Variants in KCTD8 observed in about 807,000 individuals in gnomAD.
KCTD8 encodes the protein BTB/POZ domain-containing protein KCTD8.
KCTD8 carries 27 observed loss-of-function variants against 31.5 expected under a neutral mutation model. The observed-to-expected ratio is 0.86, with a 90% confidence interval of 0.63 to 1.18. The LOEUF (loss-of-function observed/expected upper bound fraction) is 1.18. KCTD8 is among the 50% of genes most tolerant of loss of function. The probability of loss-of-function intolerance (pLI) is 0.00; values close to 1 mark genes in which losing one functional copy is unlikely to be tolerated. For missense variants in KCTD8, 658 were observed against 647.7 expected, an observed-to-expected ratio of 1.02 and a Z score of -0.17; for synonymous variants, 290 against 280.0, an observed-to-expected ratio of 1.04 and a Z score of -0.36.
At chr4:44,445,138 C>T (rs1406341872) in intron 1 of KCTD8, among the ~76,000 whole-genome samples, 1 of 152,134 alleles carries the variant, frequency 6.6e-6, no homozygotes, top group Non-Finnish European at 1.5e-5. Context: ...GATGGAAATA[C>T]ATTTTACAGT....
intron 1 of KCTD8, among the ~76,000 whole-genome samples, chr4:44,187,615 G>A (rs1713626550): frequency 6.6e-6 from 1 of 152,146 alleles, no homozygotes; most frequent in African/African-American, 2.4e-5. Context: ...TGTTTTATGA[G>A]AGGGATGATT....
At chr4:44,318,644 C>T (rs921575324) in intron 1 of KCTD8, among the ~76,000 whole-genome samples, 2 of 152,092 alleles carry the variant, frequency 1.3e-5, no homozygotes, top group East Asian at 1.9e-4. Flanking sequence ...GGAAGAGGGC[C>T]GAGAACAGCA....
At chr4:44,391,580 G>C (rs1720374813) in intron 1 of KCTD8, among the ~76,000 whole-genome samples, 1 of 151,002 alleles carries the variant, frequency 6.6e-6, no homozygotes, top group African/African-American at 2.4e-5. Flanking sequence ...TTATTATAAG[G>C]ATATAACATA....
At chr4:44,216,815 ATGTATGCATT>A (rs1159839089) in intron 1 of KCTD8, among the ~76,000 whole-genome samples, 1 of 152,190 alleles carries the variant, frequency 6.6e-6, no homozygotes, top group Non-Finnish European at 1.5e-5. Flanking sequence ...AATTTTGTAT[ATGTATGCATT>A]CATGAGTGCG....
At chr4:44,440,822 T>G (rs73247563) in intron 1 of KCTD8, among the ~76,000 whole-genome samples, 28,282 of 152,036 alleles carry the variant, frequency 0.19, 2,753 homozygotes, top group Non-Finnish European at 0.21. Context: ...CCTATCCTAG[T>G]GCACACAGAA....
intron 1 of KCTD8, among the ~76,000 whole-genome samples, chr4:44,209,852 G>A (rs1318779894): frequency 6.6e-6 from 1 of 152,134 alleles, no homozygotes; most frequent in Non-Finnish European, 1.5e-5. Flanking sequence ...TATATGGGAA[G>A]AGCTGCATTA....
intron 1 of KCTD8, among the ~76,000 whole-genome samples, chr4:44,292,555 C>T (rs1196126271): frequency 6.6e-6 from 1 of 152,068 alleles, no homozygotes; most frequent in Non-Finnish European, 1.5e-5. Flanking sequence ...ATCATCTGTA[C>T]CTCAAATCTC....
intron 1 of KCTD8, among the ~76,000 whole-genome samples, chr4:44,373,426 A>G (rs1719841125): frequency 6.6e-6 from 1 of 151,960 alleles, no homozygotes; most frequent in South Asian, 2.1e-4. Flanking sequence ...CCTGGGATCA[A>G]ATCCCAGCTC....
At chr4:44,292,131 C>T (rs1011580906) in intron 1 of KCTD8, among the ~76,000 whole-genome samples, 1 of 151,844 alleles carries the variant, frequency 6.6e-6, no homozygotes, top group Non-Finnish European at 1.5e-5. Flanking sequence ...AGGTACATAC[C>T]CAAAGGAAAA....
chr4:44,364,455 A>G (rs1382068570), intron 1 of KCTD8, among the ~76,000 whole-genome samples: 1 of 152,178 alleles, frequency 6.6e-6, no homozygotes, highest in African/African-American at 2.4e-5. Context: ...ATATGGCGCA[A>G]CAGGAACTCT....
chr4:44,250,499 T>C (rs1270439254), intron 1 of KCTD8, among the ~76,000 whole-genome samples: 4 of 151,754 alleles, frequency 2.6e-5, no homozygotes, highest in Admixed American at 2.6e-4. Flanking sequence ...GACCCAAAGA[T>C]GTAAAATCAC....
At chr4:44,378,431 C>A (rs750980043) in intron 1 of KCTD8, among the ~76,000 whole-genome samples, 1 of 151,216 alleles carries the variant, frequency 6.6e-6, no homozygotes, top group Admixed American at 6.6e-5. Flanking sequence ...GCACGTTGTG[C>A]ATATGTACCC....
intron 1 of KCTD8, among the ~76,000 whole-genome samples, chr4:44,401,009 T>C (rs1373275777): frequency 4.3e-5 from 5 of 116,136 alleles, no homozygotes; most frequent in Non-Finnish European, 8.3e-5. Context: ...CTAATTTTCT[T>C]TCTTTTTTTT....
At chr4:44,176,456 C>T (rs1161481532) in intron 1 of KCTD8, among the ~76,000 whole-genome samples, 1 of 152,170 alleles carries the variant, frequency 6.6e-6, no homozygotes, top group African/African-American at 2.4e-5. Context: ...TTATGAACCA[C>T]TGATCAGTCT....
chr4:44,243,577 C>T (rs1174847427), intron 1 of KCTD8, among the ~76,000 whole-genome samples: 1 of 152,196 alleles, frequency 6.6e-6, no homozygotes, highest in Non-Finnish European at 1.5e-5. Context: ...GGTCCTTTCA[C>T]CTAGCACTCA....
At position 44,317,228 on chromosome 4, in the gene KCTD8, CTT is replaced by C. The variant is rs760060899; in HGVS notation, c.961+130333_961+130334del. On this transcript the variant is annotated intron_variant, in intron 1 of 1. Transcript: ENST00000360029. ...TTTATGTATTGCCTATGGGTGCTTT[CTT>C]TTTTTTTTTTTTTTTTTTTTGAGAC... Among the ~76,000 whole-genome samples, 280 of 36,528 alleles carry C rather than the reference CTT, an allele frequency of 7.7e-3. 5 individuals are homozygous for C. The highest frequency in any genetic ancestry group is 0.03 in the African/African-American group (255 of 8,640). 24.0% of individuals were successfully genotyped at this position (36,528 alleles called of 152,430 possible).
chr4:44,245,427 T>C (rs973152098), intron 1 of KCTD8, among the ~76,000 whole-genome samples: 1 of 152,084 alleles, frequency 6.6e-6, no homozygotes, highest in South Asian at 2.1e-4. Context: ...TAGCAATCTG[T>C]CTACTCTTAT....
chr4:44,274,147 A>G (rs1444964248), intron 1 of KCTD8, among the ~76,000 whole-genome samples: 1 of 151,926 alleles, frequency 6.6e-6, no homozygotes, highest in East Asian at 1.9e-4. Flanking sequence ...ATATTGGTTT[A>G]GACAGAGACA....
intron 1 of KCTD8, among the ~76,000 whole-genome samples, chr4:44,295,847 C>A (rs187457698): frequency 6.6e-6 from 1 of 152,086 alleles, no homozygotes; most frequent in Non-Finnish European, 1.5e-5. Context: ...CTGACTGTAG[C>A]AATATGCAAT....
Sources: gnomAD v4.1 joint callset for allele counts (sites outside exome capture counted in the v4.1 genomes callset) on GRCh38, gnomAD v4.1.1 for gene constraint, MANE v1.5 for transcripts, NCBI Gene and HGNC (gene_info 2026-07-23, HGNC 2026-07-21) for gene names.